Variants in PDE4D observed in about 807,000 individuals in gnomAD.
The protein encoded by PDE4D is phosphodiesterase 4D.
PDE4D carries 24 observed loss-of-function variants against 87.4 expected under a neutral mutation model. The observed-to-expected ratio is 0.27, with a 90% CI of 0.20 to 0.39. The LOEUF is 0.39. Ranked by LOEUF, PDE4D falls within the 10% of genes least tolerant of loss-of-function variation. PDE4D has a pLI of 1.00. For missense variants in PDE4D, 714 were observed against 1,041.0 expected (o/e 0.69, Z 4.32); for synonymous variants, 384 against 383.2 (o/e 1.00, Z -0.02).
chr5:60,324,768 T>A (rs1054434723), intron 1 of PDE4D, among the ~76,000 whole-genome samples: 2 of 152,212 alleles, frequency 1.3e-5, no homozygotes, highest in African/African-American at 4.8e-5. Context: ...TAAGTCTGTA[T>A]AAAATGGAGG....
At chr5:59,027,933 A>G (rs1330723945) in intron 6 of PDE4D, among the ~76,000 whole-genome samples, 7 of 151,940 alleles carry the variant, frequency 4.6e-5, no homozygotes, top group African/African-American at 1.2e-4. Context: ...TTGTGTGTAT[A>G]CTAGATGGTA....
chr5:59,985,644 T>C (rs1762389152), intron 3 of PDE4D, among the ~76,000 whole-genome samples: 1 of 152,226 alleles, frequency 6.6e-6, no homozygotes, highest in African/African-American at 2.4e-5. Flanking sequence ...CCTTGTTCCA[T>C]CTTTCAAAAA....
At chr5:59,820,583 G>A (rs952366528) in intron 1 of PDE4D, among the ~76,000 whole-genome samples, 1 of 152,216 alleles carries the variant, frequency 6.6e-6, no homozygotes, top group Non-Finnish European at 1.5e-5. Context: ...TTCTTGAAGA[G>A]CAGTCGTGGG....
chr5:60,184,694 A>C (rs1348499655), intron 2 of PDE4D, among the ~76,000 whole-genome samples: 1 of 152,212 alleles, frequency 6.6e-6, no homozygotes, highest in Non-Finnish European at 1.5e-5. Flanking sequence ...CCATAGAAAG[A>C]ATGAAAGATG....
intron 1 of PDE4D, among the ~76,000 whole-genome samples, chr5:59,845,525 T>C (rs892861893): frequency 6.6e-6 from 1 of 152,082 alleles, no homozygotes; most frequent in African/African-American, 2.4e-5. Flanking sequence ...ATGGCTAAAA[T>C]ATATTGGGAC....
intron 2 of PDE4D, among the ~76,000 whole-genome samples, chr5:60,182,301 A>C (rs1784431853): frequency 1.3e-5 from 2 of 152,198 alleles, no homozygotes; most frequent in African/African-American, 2.4e-5. Flanking sequence ...AAAGATGTTG[A>C]CCAGATCATT....
At chr5:60,153,493 C>T (rs2149446087) in intron 2 of PDE4D, among the ~76,000 whole-genome samples, 1 of 152,214 alleles carries the variant, frequency 6.6e-6, no homozygotes, top group East Asian at 1.9e-4. Flanking sequence ...ATAGAACTAC[C>T]ATATGATCTG....
chr5:60,521,588 G>C (rs1751040529), intron 1 of PDE4D: 2 of 152,100 alleles, frequency 1.3e-5, no homozygotes, highest in Admixed American at 1.3e-4. Context: ...TGTCAAAGGG[G>C]GATAACAATA....
intron 1 of PDE4D, among the ~76,000 whole-genome samples, chr5:60,382,194 A>G (rs1761906049): frequency 1.3e-5 from 2 of 152,130 alleles, no homozygotes; most frequent in South Asian, 2.1e-4. Flanking sequence ...ATATATTTAT[A>G]TATGAAATAG....
chr5:58,999,565 ATATG>A, intron 6 of PDE4D: 2 of 1,195,416 alleles, frequency 1.7e-6, no homozygotes, highest in Non-Finnish European at 2.2e-6. Context: ...ATATATATAT[ATATG>A]TATATATATA....
chr5:60,092,469 T>A (rs535351775), intron 2 of PDE4D, among the ~76,000 whole-genome samples: 57 of 152,252 alleles, frequency 3.7e-4, no homozygotes, highest in African/African-American at 1.3e-3. Flanking sequence ...AAAGGATAAA[T>A]GTTTGAGGTA....
At chr5:60,028,897 T>C (rs1766937577) in intron 2 of PDE4D, among the ~76,000 whole-genome samples, 2 of 152,190 alleles carry the variant, frequency 1.3e-5, no homozygotes, top group South Asian at 4.1e-4. Flanking sequence ...CTAATCTTCC[T>C]CAATCCCTCC....
chr5:59,178,834 A>G (rs1353416569), intron 5 of PDE4D, among the ~76,000 whole-genome samples: 3 of 152,104 alleles, frequency 2.0e-5, no homozygotes, highest in African/African-American at 7.2e-5. Context: ...TTGGGGGTTG[A>G]GGGTAGTTCC....
At chr5:60,393,289 A>T (rs1042517178) in intron 1 of PDE4D, among the ~76,000 whole-genome samples, 1 of 152,182 alleles carries the variant, frequency 6.6e-6, no homozygotes. Context: ...CTGATTTCAC[A>T]TTGCCTGATT....
chr5:59,451,866 C>G (rs1362254492), intron 1 of PDE4D, among the ~76,000 whole-genome samples: 1 of 152,182 alleles, frequency 6.6e-6, no homozygotes, highest in Non-Finnish European at 1.5e-5. Context: ...CTTGACAGCC[C>G]TCAAACATTC....
chr5:58,989,526 G>C (rs1747360503), intron 10 of PDE4D, among the ~76,000 whole-genome samples: 1 of 151,948 alleles, frequency 6.6e-6, no homozygotes, highest in Admixed American at 6.6e-5. Context: ...TCATTTCAAA[G>C]AAGCAATATC....
At chr5:59,243,527 T>C (rs1420413075) in intron 1 of PDE4D, among the ~76,000 whole-genome samples, 1 of 146,042 alleles carries the variant, frequency 6.8e-6, no homozygotes, top group East Asian at 2.1e-4. Context: ...TGGAGTGATC[T>C]TGGCTCACTG....
chr5:60,475,907 G>T (rs1204146557), intron 1 of PDE4D, among the ~76,000 whole-genome samples: 2 of 151,346 alleles, frequency 1.3e-5, no homozygotes, highest in African/African-American at 4.9e-5. Context: ...TATAGAAGGT[G>T]CCTAACATAG....
At chr5:59,268,819 G>A (rs1351501764) in intron 1 of PDE4D, among the ~76,000 whole-genome samples, 1 of 151,952 alleles carries the variant, frequency 6.6e-6, no homozygotes, top group Non-Finnish European at 1.5e-5. Context: ...TCCCTAAAAA[G>A]CTTAAAAACT....
Sources: gnomAD v4.1 joint callset for allele counts (sites outside exome capture counted in the v4.1 genomes callset) on GRCh38, gnomAD v4.1.1 for gene constraint, MANE v1.5 for transcripts, NCBI Gene and HGNC (gene_info 2026-07-23, HGNC 2026-07-21) for gene names.